ADCY3: variants seen among roughly 807,000 people sequenced by gnomAD.
ADCY3 encodes the protein adenylate cyclase type 3.
A neutral mutation model predicts 119.4 loss-of-function variants in ADCY3; 70 were observed. The observed-to-expected ratio is 0.59, with a 90% CI of 0.48 to 0.72. ADCY3 has a LOEUF of 0.72. Among genes scored for constraint, ADCY3 ranks in the 30% least tolerant of loss-of-function variants. The probability of loss-of-function intolerance (pLI) is 0.00; values close to 1 mark genes in which losing one functional copy is unlikely to be tolerated. For missense variants in ADCY3, 1,238 were observed against 1,541.6 expected (o/e 0.80, Z 3.30); for synonymous variants, 672 against 621.4 (o/e 1.08, Z -1.21).
chr2:24,872,590 C>T lies in ADCY3; in HGVS notation c.805G>A (p.Glu269Lys), dbSNP rs766449829. The T allele has an allele frequency of 6.2e-7, 1 of 1,614,196 alleles. No homozygotes were observed. Among genetic ancestry groups the T allele is most frequent in the Admixed American group, 1.7e-5 (1 of 60,018 alleles). The part of the protein sequence containing the change: ...RQSLEVKMNL[E>K]EQSQQQENLM... ...CTCACCTGCTGCTGGCTCTGCTCTT[C>T]CAGGTTCATCTTCACCTCCAGCGAC... Residue 269 changes from glutamate to lysine, a missense_variant, in exon 3 of 22, where the codon GAA becomes AAA. Physicochemically the swap from Glu to Lys is moderately conservative, Grantham distance 56. Transcript: ENST00000679454. This position sits in a 1 kb window ranked among gnomAD's most constrained non-coding sequence, Gnocchi z 4.4.
rs73923437 is a variant in ADCY3, at chr2:24,835,054, C to T, written c.1663-118G>A. The T allele has an allele frequency of 1.9e-3, 2,425 of 1,297,488 alleles. 19 individuals carry two copies. The African/African-American group carries it at 0.021, about 11-fold the overall frequency. 80.4% of individuals were successfully genotyped at this position (1,297,488 alleles called of 1,614,324 possible). On this transcript the variant is annotated intron_variant, in intron 9 of 21. Transcript: ENST00000679454. ...AAGAGGGCATACTCGGAGGACCAAT[C>T]CCTCCAGCTCTAAAATCCCTTTCCG... is the stretch of plus-strand genomic sequence containing the variant.
intron 21 of ADCY3, 117 bp from the exon 22 acceptor site, chr2:24,820,231 G>A (rs1179891568): frequency 2.5e-6 from 3 of 1,213,966 alleles, no homozygotes; most frequent in Non-Finnish European, 3.3e-6. Flanking sequence ...AGCAGTACGG[G>A]ACACTCCCCA....
chr2:24,824,687 G>A (rs903093875), intron 16 of ADCY3, 151 bp from the exon 17 acceptor site: 28 of 733,064 alleles, frequency 3.8e-5, no homozygotes, highest in Non-Finnish European at 5.8e-5. Flanking sequence ...TCAGGAGTTC[G>A]AGACCAGCCT....
intron 2 of ADCY3, among the ~76,000 whole-genome samples, chr2:24,906,507 CT>C (rs1056245794): frequency 8.5e-5 from 13 of 152,306 alleles, no homozygotes; most frequent in African/African-American, 3.1e-4. Flanking sequence ...CAAAAAGGCA[CT>C]GAAGGGTGAG....
intron 3 of ADCY3, among the ~76,000 whole-genome samples, chr2:24,869,397 TTTTTTA>T (rs777788014): frequency 9.9e-5 from 15 of 152,012 alleles, no homozygotes; most frequent in Admixed American, 2.0e-4. Flanking sequence ...CATTAGGGCC[TTTTTTA>T]TTTTTATTTT....
chr2:24,901,052 T>C (rs1283990740), intron 2 of ADCY3, among the ~76,000 whole-genome samples: 1 of 151,832 alleles, frequency 6.6e-6, no homozygotes, highest in Non-Finnish European at 1.5e-5. Flanking sequence ...GCGACAACAG[T>C]GAGACTCCGT....
chr2:24,841,286 A>G lies in ADCY3; in HGVS notation c.1169T>C (p.Met390Thr), dbSNP rs1483341649. ...GATGGCCTCCACCATGGCCAGCCCCATGAGGATGGAGCAGACGGCGTGGTC... is the reference window on the plus strand; with the variant it reads ...GATGGCCTCCACCATGGCCAGCCCCGTGAGGATGGAGCAGACGGCGTGGTC... ...REDHAVCSIL[M>T]GLAMVEAISY... is the part of the protein sequence containing the mutation. Residue 390 changes from methionine (M) to threonine (T), a missense_variant, in exon 6 of 22, where the codon ATG (methionine) becomes ACG (threonine). By Grantham distance (81) the Met-to-Thr change is moderately conservative (BLOSUM62 -1). Around this residue, in one of 7 missense-constraint regions of ADCY3, gnomAD observed 283 missense variants for 437.2 expected, o/e 0.65. Coordinates refer to ENST00000679454, the MANE Select transcript of ADCY3 (RefSeq NM_004036.5). This position sits in a 1 kb window ranked among gnomAD's most constrained non-coding sequence, Gnocchi z 5.8. 2 of 1,569,566 alleles carry G rather than the reference A, an allele frequency of 1.3e-6. No individual in the cohort carries two copies. The highest frequency in any genetic ancestry group is 1.7e-6 in the Non-Finnish European group (2 of 1,157,618).
intron 15 of ADCY3, among the ~76,000 whole-genome samples, chr2:24,827,284 G>A (rs539331334): frequency 6.6e-6 from 1 of 152,106 alleles, no homozygotes; most frequent in Non-Finnish European, 1.5e-5. Flanking sequence ...AATCCAAAGC[G>A]TCTTCCTCCC....
intron 19 of ADCY3, chr2:24,822,032 T>C (rs1367067833): frequency 1.9e-5 from 4 of 209,476 alleles, no homozygotes; most frequent in Non-Finnish European, 9.6e-6. Flanking sequence ...ATCCATATAA[T>C]AGGGCCGTGG....
chr2:24,823,780 C>G (rs1048317047), intron 17 of ADCY3, among the ~76,000 whole-genome samples: 6 of 151,818 alleles, frequency 4.0e-5, no homozygotes, highest in Admixed American at 2.6e-4. Flanking sequence ...CAACCTCCAC[C>G]TCCCGGGTTC....
At chr2:24,917,300 C>T (rs1275844493) in intron 2 of ADCY3, among the ~76,000 whole-genome samples, 1 of 152,244 alleles carries the variant, frequency 6.6e-6, no homozygotes, top group Non-Finnish European at 1.5e-5. Context: ...CCACTAACCA[C>T]AGAACAGAGC....
At chr2:24,902,034 C>CTGTGTGTGTG (rs57980321) in intron 2 of ADCY3, among the ~76,000 whole-genome samples, 46 of 122,328 alleles carry the variant, frequency 3.8e-4, no homozygotes, top group Admixed American at 2.8e-3. Flanking sequence ...CATTTTAACT[C>CTGTGTGTGTG]TGTGTGTGTG....
chr2:24,823,263 A>G lies in ADCY3; in HGVS notation c.2829T>C (p.Asn943=), dbSNP rs367903449. 3 of 1,613,442 alleles carry G rather than the reference A, an allele frequency of 1.9e-6. No individual in the cohort carries two copies. The highest frequency in any genetic ancestry group is 2.5e-6 in the Non-Finnish European group (3 of 1,179,946). The change falls in exon 18 of 22, where the codon AAT becomes AAC. Residue 943 remains asparagine (N), a synonymous_variant. Transcript: ENST00000679454. ...GGAAACGCAGACACTCAATACCACC[A>G]TTGTTGATGCTCTCCTCTGTGTAGA... The part of the protein sequence containing the change: ...ADFYTEESIN[N]GGIECLRFLN...
At chr2:24,831,902 A>AGTG (rs2148478292) in intron 11 of ADCY3, among the ~76,000 whole-genome samples, 153 bp from the exon 12 acceptor site, 1 of 81,162 alleles carries the variant, frequency 1.2e-5, no homozygotes, top group African/African-American at 4.6e-5. Flanking sequence ...GGCAGGGGAC[A>AGTG]GCGGACAGGG....
In ADCY3 at chr2:24,819,861, G is replaced by A; in HGVS notation, c.*71C>T. The A allele has an allele frequency of 6.6e-7, 1 of 1,509,758 alleles. No homozygotes were observed. Among genetic ancestry groups the A allele is most frequent in the Non-Finnish European group, 9.0e-7 (1 of 1,108,224 alleles). 93.5% of individuals were successfully genotyped at this position (1,509,758 alleles called of 1,614,324 possible). ...TGAGTGTGCACTTCAATCCAGGAAG[G>A]TCGGGACTTCCTTCAGTTTCAAAAA... On this transcript the variant is annotated 3_prime_UTR_variant, in exon 22 of 22. Coordinates refer to ENST00000679454, the MANE Select transcript of ADCY3 (RefSeq NM_004036.5).
chr2:24,830,046 T>C (rs1669247865), intron 13 of ADCY3, among the ~76,000 whole-genome samples: 1 of 101,184 alleles, frequency 9.9e-6, no homozygotes, highest in South Asian at 3.6e-4. Flanking sequence ...TGAATTACCT[T>C]TTTTTTTTTT....
intron 2 of ADCY3, among the ~76,000 whole-genome samples, chr2:24,895,055 T>G (rs574523002): frequency 6.6e-6 from 1 of 152,236 alleles, no homozygotes; most frequent in South Asian, 2.1e-4. Flanking sequence ...TATTAAGCAA[T>G]CTGATTACAA....
chr2:24,905,592 G>A (rs2149019722), intron 2 of ADCY3, among the ~76,000 whole-genome samples: 1 of 152,302 alleles, frequency 6.6e-6, no homozygotes, highest in Middle Eastern at 3.4e-3. Context: ...CCCAACCAGG[G>A]AGGCAAGGGC....
chr2:24,873,804 G>T (rs1675316782), intron 2 of ADCY3, among the ~76,000 whole-genome samples: 1 of 152,206 alleles, frequency 6.6e-6, no homozygotes. Context: ...CGAGGCTGTG[G>T]CCACCCTCCC....
Sources: allele counts gnomAD v4.1 joint callset (sites outside exome capture counted in the v4.1 genomes callset), GRCh38; gene constraint gnomAD v4.1.1; regional missense constraint gnomAD v4.1.1; non-coding constraint Gnocchi (gnomAD v3.1); transcripts MANE v1.5; gene names NCBI Gene and HGNC (gene_info 2026-07-23, HGNC 2026-07-21).